TDRD9: variants seen among roughly 807,000 people sequenced by gnomAD.
TDRD9 encodes ATP-dependent RNA helicase TDRD9.
In TDRD9, 124 loss-of-function variants were observed where a neutral mutation model predicts 172.6. The observed-to-expected ratio is 0.72, with a 90% confidence interval of 0.62 to 0.83. The LOEUF (loss-of-function observed/expected upper bound fraction) is 0.83. Ranked by LOEUF, TDRD9 falls within the 40% of genes least tolerant of loss-of-function variation. The pLI is 0.00. For synonymous variants in TDRD9, 619 were observed against 617.1 expected, an observed-to-expected ratio of 1.00 and a Z score of -0.05; for missense variants, 1,479 against 1,714.1, an observed-to-expected ratio of 0.86 and a Z score of 2.42.
intron 23 of TDRD9, among the ~76,000 whole-genome samples, chr14:104,018,963 T>C (rs1318048389): frequency 6.6e-6 from 1 of 152,208 alleles, no homozygotes; most frequent in Non-Finnish European, 1.5e-5. Context: ...TTGATTTTCT[T>C]TGTAGGCCTG....
rs1210180710 is a variant in TDRD9, at chr14:104,049,590, C to A, written c.3975-18C>A. ...TACTAATATATAATTAAGATAATTT[C>A]TTTTTTTTTTAAATTAGTTTGTTCT... On this transcript the variant is annotated intron_variant, in intron 34 of 35. Transcript: ENST00000409874. 3.5e-6 allele frequency: 5 copies of A among 1,429,610 alleles called. No homozygotes were observed. In the East Asian group the frequency reaches 1.3e-4, roughly 38 times the overall value. The allele number at this position is 1,429,610 out of a possible 1,614,324, so 88.6% of individuals were successfully genotyped here.
At chr14:104,044,868 C>T (rs1002220481) in intron 34 of TDRD9, among the ~76,000 whole-genome samples, 10 of 152,174 alleles carry the variant, frequency 6.6e-5, no homozygotes, top group South Asian at 4.1e-4. Flanking sequence ...CAGGGCCAGA[C>T]GTATTGGCTT....
intron 5 of TDRD9, among the ~76,000 whole-genome samples, chr14:103,968,838 C>T (rs1344250750): frequency 2.1e-5 from 3 of 141,158 alleles, no homozygotes; most frequent in Non-Finnish European, 4.6e-5. Flanking sequence ...CGGTGGCTCA[C>T]GCCTATAATC....
At chr14:103,983,534 T>C (rs2033560875) in intron 7 of TDRD9, among the ~76,000 whole-genome samples, 1 of 152,146 alleles carries the variant, frequency 6.6e-6, no homozygotes, top group Non-Finnish European at 1.5e-5. Context: ...GTTTAACAAG[T>C]AAAATTATTA....
At chr14:103,974,626 T>C (rs2033163181) in intron 6 of TDRD9, among the ~76,000 whole-genome samples, 1 of 152,136 alleles carries the variant, frequency 6.6e-6, no homozygotes, top group Non-Finnish European at 1.5e-5. Context: ...GAGTAACTTA[T>C]TCTTTTTAAT....
chr14:103,959,825 C>A (rs1331866479), intron 2 of TDRD9, among the ~76,000 whole-genome samples: 1 of 152,090 alleles, frequency 6.6e-6, no homozygotes, highest in East Asian at 1.9e-4. Flanking sequence ...TAAATGAAAT[C>A]TTTCCTTACA....
At chr14:103,948,758 C>G (rs1360321070) in intron 1 of TDRD9, among the ~76,000 whole-genome samples, 1 of 151,980 alleles carries the variant, frequency 6.6e-6, no homozygotes, top group African/African-American at 2.4e-5. Context: ...GTAGTTCCTT[C>G]TACTTAGGAG....
At chr14:104,012,915 T>G (rs2034658792) in intron 20 of TDRD9, among the ~76,000 whole-genome samples, 1 of 152,166 alleles carries the variant, frequency 6.6e-6, no homozygotes, top group East Asian at 1.9e-4. Context: ...TTAAATATCT[T>G]TTTGTTGTTG....
chr14:103,995,124 A>G (rs1026316538), intron 11 of TDRD9, among the ~76,000 whole-genome samples: 15 of 152,142 alleles, frequency 9.9e-5, no homozygotes, highest in Admixed American at 9.2e-4. Context: ...CAATTCAGGA[A>G]TTCTGGTGCC....
chr14:104,030,843 G>C (rs182222278), intron 28 of TDRD9, among the ~76,000 whole-genome samples: 54 of 152,276 alleles, frequency 3.5e-4, no homozygotes, highest in African/African-American at 1.3e-3. Flanking sequence ...TGAGGGGAGA[G>C]GGGAGGGATA....
Position 103,975,540 on chromosome 14 carries a change from T to G in TDRD9, c.998T>G (p.Ile333Ser). The change falls in exon 7 of 36, where the codon ATT becomes AGT. Residue 333 changes from isoleucine to serine, a missense_variant. By Grantham distance (142) the Ile-to-Ser change is moderately radical. Around this residue, in one of 3 missense-constraint regions of TDRD9, gnomAD observed 1,413 missense variants for 1,649.1 expected, o/e 0.86. Transcript: ENST00000409874. ...EEYYLNDLEH[I>S]HHSKLSPHLL... ...TATTATCTTAATGATTTGGAGCACA[T>G]TCATCATAGCAAGGTATGTTAGAAT... The G allele has an allele frequency of 6.2e-7, 1 of 1,607,588 alleles. No homozygotes were observed. The highest frequency in any genetic ancestry group is 8.5e-7 in the Non-Finnish European group (1 of 1,176,598).
chr14:103,938,650 G>T (rs914596327), intron 1 of TDRD9, among the ~76,000 whole-genome samples: 1 of 151,304 alleles, frequency 6.6e-6, no homozygotes, highest in Admixed American at 6.6e-5. Flanking sequence ...TGTTGGCCAG[G>T]ATGGTCTCAA....
Position 103,928,648 on chromosome 14 carries a change from G to GC in TDRD9, c.144dup (p.Gly49ArgfsTer37). 8.0e-7 allele frequency: 1 copy of GC among 1,255,520 alleles called. No homozygotes were observed. Among genetic ancestry groups the GC allele is most frequent in the South Asian group, 2.6e-5 (1 of 38,136 alleles). The allele number at this position is 1,255,520 out of a possible 1,614,324, so 77.8% of individuals were successfully genotyped here. A position where few individuals can be genotyped will look rare whatever the true frequency, so the allele number is the denominator to read the frequency against. ...GGAGGAGGTGCAGCGCCAGGACGTGGCCCCCGGCGCTGGTCCCGCGGCCCA... is the reference window on the plus strand; with the variant it reads ...GGAGGAGGTGCAGCGCCAGGACGTGGCCCCCCGGCGCTGGTCCCGCGGCCCA... On this transcript the variant is annotated frameshift_variant, in exon 1 of 36. Coordinates refer to ENST00000409874, the MANE Select transcript of TDRD9 (RefSeq NM_153046.3). LOFTEE classifies it high-confidence loss of function.
At position 104,034,391 on chromosome 14, in the gene TDRD9, T is replaced by C. The variant is rs193168460; in HGVS notation, c.3619+322T>C. ...ATTTTTAGTAGAGATGGGGTTTCAC[T>C]GTGTTAGCCAGGATAGTCTTGATCT... On this transcript the variant is annotated intron_variant, in intron 31 of 35. Transcript: ENST00000409874. Among the ~76,000 whole-genome samples the C allele has an allele frequency of 9.2e-5, 14 of 152,080 alleles. No individual in the cohort carries two copies. The East Asian group carries it at 1.9e-3, about 21-fold the overall frequency.
chr14:103,977,057 T>C (rs1274388583), intron 7 of TDRD9, among the ~76,000 whole-genome samples: 1 of 152,158 alleles, frequency 6.6e-6, no homozygotes, highest in Non-Finnish European at 1.5e-5. Flanking sequence ...TTCTGGCACA[T>C]GTGAGATAAT....
At chr14:103,974,707 CA>C (rs1566751961) in intron 6 of TDRD9, among the ~76,000 whole-genome samples, 1 of 152,098 alleles carries the variant, frequency 6.6e-6, no homozygotes. Context: ...GTGGTGTGAT[CA>C]TAGATCACTG....
At chr14:103,970,424 T>C in intron 5 of TDRD9, 117 bp from the exon 6 acceptor site, 3 of 702,296 alleles carry the variant, frequency 4.3e-6, no homozygotes, top group Non-Finnish European at 4.9e-6. Flanking sequence ...CCTGAGGAAC[T>C]GCATTTAGCA....
chr14:104,046,307 A>G (rs905539934), intron 34 of TDRD9, among the ~76,000 whole-genome samples: 1 of 152,142 alleles, frequency 6.6e-6, no homozygotes, highest in Non-Finnish European at 1.5e-5. Flanking sequence ...ATCTTAAAAA[A>G]TCCTTGTTAA....
At chr14:104,045,572 C>T (rs572124518) in intron 34 of TDRD9, among the ~76,000 whole-genome samples, 30 of 152,086 alleles carry the variant, frequency 2.0e-4, no homozygotes, top group African/African-American at 6.7e-4. Flanking sequence ...TGATGTCTTC[C>T]AAAGAACACA....
Sources: gnomAD v4.1 joint callset for allele counts (sites outside exome capture counted in the v4.1 genomes callset) on GRCh38, gnomAD v4.1.1 for gene constraint, gnomAD v4.1.1 regional missense constraint, MANE v1.5 for transcripts, NCBI Gene and HGNC (gene_info 2026-07-23, HGNC 2026-07-21) for gene names.